CRPPA: variants seen among roughly 807,000 people sequenced by gnomAD.
The protein encoded by CRPPA is D-ribitol-5-phosphate cytidylyltransferase.
In CRPPA, 43 loss-of-function variants were observed where a neutral mutation model predicts 52.0. The ratio of observed to expected loss-of-function variants is 0.83; its 90% CI spans 0.65 to 1.07. The LOEUF (loss-of-function observed/expected upper bound fraction) is 1.07. Among genes scored for constraint, CRPPA ranks in the 50% least tolerant of loss-of-function variants. The probability of loss-of-function intolerance (pLI) is 0.00; values close to 1 mark genes in which losing one functional copy is unlikely to be tolerated. For synonymous variants in CRPPA, 250 were observed against 203.5 expected (o/e 1.23, Z -1.94); for missense variants, 629 against 551.7 (o/e 1.14, Z -1.40).
At chr7:16,366,920 T>A (rs558828587) in intron 3 of CRPPA, among the ~76,000 whole-genome samples, 1 of 151,996 alleles carries the variant, frequency 6.6e-6, no homozygotes, top group Non-Finnish European at 1.5e-5. Flanking sequence ...CATAAACATA[T>A]AGATCATGTT....
At chr7:16,142,074 T>A (rs1286900179) in intron 9 of CRPPA, among the ~76,000 whole-genome samples, 1 of 152,032 alleles carries the variant, frequency 6.6e-6, no homozygotes, top group Non-Finnish European at 1.5e-5. Context: ...TCAAATGGCA[T>A]AGCTAGCTCC....
intron 3 of CRPPA, 116 bp downstream of exon 3, chr7:16,375,976 T>A: frequency 1.0e-6 from 1 of 978,106 alleles, no homozygotes; most frequent in Non-Finnish European, 1.5e-6. Context: ...TAATAAGTCT[T>A]AGCCTTGAGT....
At chr7:16,115,563 G>A (rs1303549172) in intron 9 of CRPPA, among the ~76,000 whole-genome samples, 1 of 152,142 alleles carries the variant, frequency 6.6e-6, no homozygotes, top group Non-Finnish European at 1.5e-5. Flanking sequence ...AAGGTGCAAT[G>A]AGCACCCTTA....
At chr7:16,300,443 C>T (rs1194563688) in intron 5 of CRPPA, among the ~76,000 whole-genome samples, 1 of 152,194 alleles carries the variant, frequency 6.6e-6, no homozygotes, top group South Asian at 2.1e-4. Flanking sequence ...TACTAACACA[C>T]TGTAAAGCAT....
At chr7:16,380,969 G>C (rs1787070128) in intron 2 of CRPPA, among the ~76,000 whole-genome samples, 2 of 151,632 alleles carry the variant, frequency 1.3e-5, no homozygotes, top group East Asian at 3.9e-4. Flanking sequence ...TTTTTGAAGG[G>C]TTTTTTGTGT....
intron 3 of CRPPA, among the ~76,000 whole-genome samples, chr7:16,328,512 T>C (rs1056201262): frequency 1.3e-5 from 2 of 151,708 alleles, no homozygotes; most frequent in African/African-American, 4.8e-5. Flanking sequence ...TTTTGGGGGG[T>C]TTGTTTTGTT....
chr7:16,100,539 C>T (rs558566230), intron 9 of CRPPA, among the ~76,000 whole-genome samples: 3 of 152,182 alleles, frequency 2.0e-5, no homozygotes, highest in South Asian at 2.1e-4. Context: ...TTTGAAATAT[C>T]GAACGTTTTA....
rs946686369 is a variant in CRPPA, at chr7:16,407,730, G to A, written c.258-1393C>T. On this transcript the variant is annotated intron_variant, in intron 1 of 9. Coordinates refer to ENST00000407010, the MANE Select transcript of CRPPA (RefSeq NM_001101426.4). ...GTAGCTAAAAGAAGACTACACTGAT[G>A]AACAAAACCAAGAGCTACTTTATAG... Among the ~76,000 whole-genome samples the A allele has an allele frequency of 2.0e-5, 3 of 152,110 alleles. No homozygotes were observed. The East Asian group carries it at 5.8e-4, about 29-fold the overall frequency.
At chr7:16,094,661 C>G (rs545850603) in intron 9 of CRPPA, among the ~76,000 whole-genome samples, 59 of 152,072 alleles carry the variant, frequency 3.9e-4, no homozygotes, top group Admixed American at 7.2e-4. Flanking sequence ...TTATTAAACT[C>G]AGGTAAGCAG....
In CRPPA at chr7:16,229,211, T is replaced by C. The variant is rs151293589; in HGVS notation, c.1120-13014A>G. 5.5e-3 allele frequency among the ~76,000 whole-genome samples: 834 copies of C among 152,102 alleles called. 9 individuals are homozygous for C. The highest frequency in any genetic ancestry group is 6.0e-3 in the Non-Finnish European group (410 of 67,900). ...TTAGTCTCTCTTTGGCAGCATATTG[T>C]TGGATTTTTAAAAATCTATTAAGCT... On this transcript the variant is annotated intron_variant, in intron 8 of 9. Transcript: ENST00000407010.
At chr7:16,215,358 C>T (rs1326020030) in intron 9 of CRPPA, among the ~76,000 whole-genome samples, 1 of 152,212 alleles carries the variant, frequency 6.6e-6, no homozygotes, top group Non-Finnish European at 1.5e-5. Context: ...TCCACAGATT[C>T]TCCAAATTTT....
At chr7:16,377,770 C>T (rs1562663949) in intron 2 of CRPPA, among the ~76,000 whole-genome samples, 1 of 152,178 alleles carries the variant, frequency 6.6e-6, no homozygotes, top group Non-Finnish European at 1.5e-5. Context: ...GCCCCCTCAC[C>T]CCAAGTTCCC....
chr7:16,268,201 A>C (rs1290983364), intron 6 of CRPPA, among the ~76,000 whole-genome samples: 1 of 152,100 alleles, frequency 6.6e-6, no homozygotes, highest in Non-Finnish European at 1.5e-5. Flanking sequence ...ATCTAGACAA[A>C]TGTCTAGATA....
intron 2 of CRPPA, among the ~76,000 whole-genome samples, chr7:16,398,296 C>T (rs778347160): frequency 6.6e-6 from 1 of 151,778 alleles, no homozygotes. Context: ...AAACACGTGA[C>T]TGACAGGTAA....
At chr7:16,176,887 G>A (rs1185248194) in intron 9 of CRPPA, among the ~76,000 whole-genome samples, 1 of 152,070 alleles carries the variant, frequency 6.6e-6, no homozygotes, top group African/African-American at 2.4e-5. Context: ...ATTATTTATA[G>A]TCACAAAATC....
intron 8 of CRPPA, among the ~76,000 whole-genome samples, chr7:16,229,382 A>C (rs1030760349): frequency 6.6e-6 from 1 of 151,904 alleles, no homozygotes; most frequent in African/African-American, 2.4e-5. Flanking sequence ...CTTTGTGGCC[A>C]AGTAAATTTT....
At chr7:16,160,486 G>A (rs1216197758) in intron 9 of CRPPA, among the ~76,000 whole-genome samples, 1 of 152,128 alleles carries the variant, frequency 6.6e-6, no homozygotes, top group Non-Finnish European at 1.5e-5. Context: ...GTAGAGGTGT[G>A]GTGTTATTTC....
chr7:16,122,288 G>A lies in CRPPA; in HGVS notation c.1252-30489C>T, dbSNP rs73291856. Among the ~76,000 whole-genome samples the A allele has an allele frequency of 3.0e-3, 455 of 151,790 alleles. 2 individuals carry two copies. Among genetic ancestry groups the A allele is most frequent in the African/African-American group, 0.011 (439 of 41,422 alleles). On this transcript the variant is annotated intron_variant, in intron 9 of 9. Transcript: ENST00000407010. ...AAGGCCTTTAAAAGACAAATATCTG[G>A]CAGCTATAAATAATTAAAATACTAG...
At chr7:16,260,342 G>A (rs1297508832) in intron 6 of CRPPA, among the ~76,000 whole-genome samples, 3 of 151,994 alleles carry the variant, frequency 2.0e-5, no homozygotes, top group Non-Finnish European at 2.9e-5. Context: ...GCATTCCAGA[G>A]TTATCTCTTG....
Sources: allele counts gnomAD v4.1 joint callset (sites outside exome capture counted in the v4.1 genomes callset), GRCh38; gene constraint gnomAD v4.1.1; transcripts MANE v1.5; gene names NCBI Gene and HGNC (gene_info 2026-07-23, HGNC 2026-07-21).